EML4: variants seen among roughly 807,000 people sequenced by gnomAD.
EML4 encodes the protein echinoderm microtubule-associated protein-like 4.
In EML4, 72 loss-of-function variants were observed where a neutral mutation model predicts 129.0. The observed-to-expected ratio is 0.56, with a 90% CI of 0.46 to 0.68. The LOEUF (loss-of-function observed/expected upper bound fraction) is 0.68, where lower values mean the gene tolerates loss of function less well. EML4 is among the 30% of genes least tolerant of loss of function. EML4 has a pLI of 0.00. For missense variants in EML4, 1,363 were observed against 1,190.6 expected, an observed-to-expected ratio of 1.14 and a Z score of -2.13; for synonymous variants, 532 against 405.0, an observed-to-expected ratio of 1.31 and a Z score of -3.77.
chr2:42,288,089 A>G (rs1667413311), intron 10 of EML4, 138 bp from the exon 11 acceptor site: 2 of 429,240 alleles, frequency 4.7e-6, no homozygotes, highest in Non-Finnish European at 4.2e-6. Context: ...TAGTGTATTC[A>G]TTATGTTTCA....
chr2:42,243,727 T>C (rs1290350854), intron 1 of EML4, among the ~76,000 whole-genome samples: 1 of 152,204 alleles, frequency 6.6e-6, no homozygotes, highest in Non-Finnish European at 1.5e-5. Context: ...ATGGGAGGTC[T>C]GGTGGTGTAT....
chr2:42,325,337 G>T, intron 19 of EML4, 130 bp from the exon 20 acceptor site: 2 of 612,178 alleles, frequency 3.3e-6, no homozygotes, highest in South Asian at 2.9e-5. Flanking sequence ...GTTTTAGAGG[G>T]TGTGACACTG....
At chr2:42,277,004 G>T in intron 6 of EML4, among the ~76,000 whole-genome samples, 1 of 152,096 alleles carries the variant, frequency 6.6e-6, no homozygotes, top group Non-Finnish European at 1.5e-5. Flanking sequence ...CTTGACACTT[G>T]ATACCCAATA....
Position 42,295,510 on chromosome 2 carries a change from C to T in EML4, c.1483C>T (p.Pro495Ser). 6.2e-7 allele frequency: 1 copy of T among 1,611,218 alleles called. No individual in the cohort carries two copies. The highest frequency in any genetic ancestry group is 1.7e-5 in the Admixed American group (1 of 59,256). Residue 495 changes from proline (P) to serine (S), a missense_variant, in exon 13 of 23, where the codon CCT (proline) becomes TCT (serine). By Grantham distance (74) the Pro-to-Ser change is moderately conservative. Transcript: ENST00000318522. ...TGTAGAGCCCACACCTGGGAAAGGA[C>T]CTAAAGGTACAGTATTCTTATATTA... ...TTVEPTPGKG[P>S]KGVYQISKQI...
intron 6 of EML4, among the ~76,000 whole-genome samples, chr2:42,266,629 C>T (rs1666080455): frequency 1.3e-5 from 2 of 151,470 alleles, no homozygotes; most frequent in Admixed American, 1.3e-4. Flanking sequence ...CAGGCGTGAG[C>T]CACCACTTCT....
chr2:42,245,425 T>A (rs754761487), intron 1 of EML4, 80 bp from the exon 2 acceptor site: 8 of 1,323,752 alleles, frequency 6.0e-6, no homozygotes, highest in Non-Finnish European at 8.4e-6. Context: ...GTAAGTCTTA[T>A]GTGGGATGGT....
chr2:42,273,544 C>T (rs2104433621), intron 6 of EML4, among the ~76,000 whole-genome samples: 1 of 152,180 alleles, frequency 6.6e-6, no homozygotes, highest in East Asian at 1.9e-4. Flanking sequence ...GTTATGTCTC[C>T]AATCTAAGCT....
At chr2:42,311,690 C>G (rs1332284066) in intron 17 of EML4, among the ~76,000 whole-genome samples, 2 of 152,052 alleles carry the variant, frequency 1.3e-5, no homozygotes, top group Non-Finnish European at 2.9e-5. Context: ...ATTTTGTTCC[C>G]TTTCTCTAAA....
rs542952213 is a variant in EML4, at chr2:42,295,431, A to G, written c.1404A>G (p.Gly468=). Residue 468 remains glycine, a synonymous_variant, in exon 13 of 23, where the codon GGA becomes GGG. Coordinates refer to ENST00000318522, the MANE Select transcript of EML4 (RefSeq NM_019063.5). ...FVQCLAFLGN[G]DVLTGDSGGV... The stretch of plus-strand genomic sequence containing the variant: ...AGTGTTTAGCATTCTTGGGGAATGG[A>G]GATGTTCTTACTGGAGACTCAGGTG... 1 of 1,613,966 alleles carries G rather than the reference A, an allele frequency of 6.2e-7. No individual in the cohort carries two copies. The highest frequency in any genetic ancestry group is 2.2e-5 in the East Asian group (1 of 44,864).
intron 1 of EML4, among the ~76,000 whole-genome samples, chr2:42,205,161 C>G (rs1209281623): frequency 3.3e-5 from 5 of 152,126 alleles, no homozygotes; most frequent in Admixed American, 2.6e-4. Context: ...TTCATGCAGT[C>G]TTTACAAAGT....
intron 1 of EML4, among the ~76,000 whole-genome samples, chr2:42,184,532 A>G (rs2103861321): frequency 6.6e-6 from 1 of 151,972 alleles, no homozygotes; most frequent in East Asian, 1.9e-4. Context: ...CTACCTTTCC[A>G]GCTTCACCCC....
At chr2:42,181,091 C>G (rs962143533) in intron 1 of EML4, among the ~76,000 whole-genome samples, 12 of 152,202 alleles carry the variant, frequency 7.9e-5, no homozygotes, top group African/African-American at 2.4e-4. Context: ...GATGTCCATT[C>G]TGATCACTTG....
At chr2:42,282,094 C>T (rs1326811795) in intron 7 of EML4, among the ~76,000 whole-genome samples, 1 of 152,032 alleles carries the variant, frequency 6.6e-6, no homozygotes, top group Non-Finnish European at 1.5e-5. Flanking sequence ...CTCTTTTTCT[C>T]TCCATCTAAA....
intron 1 of EML4, among the ~76,000 whole-genome samples, chr2:42,171,192 T>C (rs977526410): frequency 6.6e-5 from 10 of 152,226 alleles, no homozygotes; most frequent in African/African-American, 2.4e-4. Context: ...TTATTCACAG[T>C]AAGTGTTGGA....
intron 1 of EML4, among the ~76,000 whole-genome samples, chr2:42,190,667 C>T (rs1267875147): frequency 6.6e-6 from 1 of 152,140 alleles, no homozygotes; most frequent in Non-Finnish European, 1.5e-5. Context: ...ATCCTGACTT[C>T]CTGACACAAT....
At position 42,325,571 on chromosome 2, in the gene EML4, TTATATA is replaced by T. The variant is rs149584395; in HGVS notation, c.2242+29_2242+34del. On this transcript the variant is annotated intron_variant, in intron 20 of 22. Transcript: ENST00000318522. ...TATTGTACTGTAAGTATGAATGATTTTATATATATATATATATGCTATGATTATATT... is the reference window on the plus strand; with the variant it reads ...TATTGTACTGTAAGTATGAATGATTTTATATATATATGCTATGATTATATT... 7.4e-5 allele frequency: 36 copies of T among 488,546 alleles called. No individual in the cohort carries two copies. In the East Asian group the frequency reaches 1.6e-3, roughly 22 times the overall value. The allele number at this position is 488,546 out of a possible 1,614,324, so 30.3% of individuals were successfully genotyped here.
rs536295546 is a variant in EML4, at chr2:42,171,755, T to C, written c.25+2119T>C. Among the ~76,000 whole-genome samples the C allele has an allele frequency of 2.2e-3, 339 of 152,312 alleles. 2 individuals carry two copies. Among genetic ancestry groups the C allele is most frequent in the African/African-American group, 7.8e-3 (325 of 41,568 alleles). On this transcript the variant is annotated intron_variant, in intron 1 of 22. Transcript: ENST00000318522. ...AGGAAATGGTTCCTGGCAGTATTTC[T>C]GGAGCTGTTCTTGATGAAGATACTT...
Position 42,331,819 on chromosome 2 carries a change from G to A in EML4, c.*1612G>A, listed in dbSNP as rs1280837891. On this transcript the variant is annotated 3_prime_UTR_variant, in exon 23 of 23. Transcript: ENST00000318522. ...AGGGTGTGGGTGTGTGTGAAGGGGC[G>A]AGTGGAGACACTGTGTGTATCTCTA... 3 of 222,092 alleles carry A rather than the reference G, an allele frequency of 1.4e-5. No homozygotes were observed. Among genetic ancestry groups the A allele is most frequent in the Non-Finnish European group, 2.7e-5 (3 of 110,758 alleles). 13.8% of individuals were successfully genotyped at this position (222,092 alleles called of 1,614,324 possible). A position where few individuals can be genotyped will look rare whatever the true frequency, so the allele number is the denominator to read the frequency against.
chr2:42,286,277 AC>A lies in EML4; in HGVS notation c.1024del (p.His342ThrfsTer25). 6.2e-7 allele frequency: 1 copy of A among 1,611,576 alleles called. No individual in the cohort carries two copies. The highest frequency in any genetic ancestry group is 8.5e-7 in the Non-Finnish European group (1 of 1,177,844). Reference protein sequence around the residue: ...GVDKDGRPLQPHVRVWDSVTL... With the variant: ...GVDKDGRPLQXHVRVWDSVTL... ...GTCTTGTGTTTTTGCAGCCTCTACA[AC>A]CCCACGTCAGAGTGTGGGATTCTGT... On this transcript the variant is annotated frameshift_variant, in exon 10 of 23. Transcript: ENST00000318522. LOFTEE classifies it high-confidence loss of function.
Sources: gnomAD v4.1 joint callset for allele counts (sites outside exome capture counted in the v4.1 genomes callset) on GRCh38, gnomAD v4.1.1 for gene constraint, MANE v1.5 for transcripts, NCBI Gene and HGNC (gene_info 2026-07-23, HGNC 2026-07-21) for gene names.